Variants in IL1RL1 observed in about 807,000 individuals in gnomAD.
IL1RL1 encodes interleukin 1 receptor like 1, also known as interleukin-1 receptor-like 1.
Under a neutral mutation model 50.9 loss-of-function variants are expected in IL1RL1, and 32 were observed. That is an observed-to-expected ratio of 0.63 (90% CI 0.47 to 0.84). IL1RL1 has a LOEUF of 0.84. Ranked by LOEUF, IL1RL1 falls within the 40% of genes least tolerant of loss-of-function variation. The pLI is 0.00. For missense variants in IL1RL1, 773 were observed against 662.9 expected, an observed-to-expected ratio of 1.17 and a Z score of -1.82; for synonymous variants, 275 against 236.0, an observed-to-expected ratio of 1.17 and a Z score of -1.51.
At chr2:102,331,769 T>C (rs562385914) in intron 1 of IL1RL1, among the ~76,000 whole-genome samples, 1 of 152,208 alleles carries the variant, frequency 6.6e-6, no homozygotes, top group Non-Finnish European at 1.5e-5. Context: ...ACTGGTTCAT[T>C]CAATAAATAT....
intron 1 of IL1RL1, among the ~76,000 whole-genome samples, chr2:102,315,143 A>G (rs1417583277): frequency 1.3e-5 from 2 of 152,052 alleles, no homozygotes; most frequent in Non-Finnish European, 2.9e-5. Context: ...GGGCCGAGTC[A>G]TTGAGTAATG....
At chr2:102,342,490 T>A (rs552580432) in intron 6 of IL1RL1, among the ~76,000 whole-genome samples, 196 bp downstream of exon 6, 31 of 152,324 alleles carry the variant, frequency 2.0e-4, no homozygotes, top group African/African-American at 7.2e-4. Flanking sequence ...TTGCAGTGTT[T>A]ACATTTGTTT....
At chr2:102,343,575 A>C (rs776259013) in intron 8 of IL1RL1, 160 bp downstream of exon 8, 23 of 1,517,628 alleles carry the variant, frequency 1.5e-5, no homozygotes, top group Non-Finnish European at 1.9e-5. Flanking sequence ...TGATCTTTGT[A>C]GACTGTTCCT....
chr2:102,314,063 T>C (rs780065511), intron 1 of IL1RL1, among the ~76,000 whole-genome samples: 9 of 152,140 alleles, frequency 5.9e-5, no homozygotes, highest in African/African-American at 1.7e-4. Context: ...GACAGAGACA[T>C]CTTTAAAATA....
intron 3 of IL1RL1, among the ~76,000 whole-genome samples, chr2:102,339,820 TATTACACTGGG>T (rs1677471889): frequency 6.6e-6 from 1 of 152,244 alleles, no homozygotes; most frequent in Admixed American, 6.5e-5. Flanking sequence ...TAATTATCTT[TATTACACTGGG>T]ATTACAGCAT....
chr2:102,322,679 G>T (rs1676868815), intron 1 of IL1RL1, among the ~76,000 whole-genome samples: 1 of 152,090 alleles, frequency 6.6e-6, no homozygotes, highest in South Asian at 2.1e-4. Flanking sequence ...TCAATTAAAA[G>T]CATCAATCTT....
At position 102,343,077 on chromosome 2, in the gene IL1RL1, G is replaced by A. The variant is rs1031682271; in HGVS notation, c.724G>A (p.Gly242Ser). ...AACTTGCTCTGCTTGTTTTGGAAAA[G>A]GCACTCAGTTCTTGGCTGCCGTCCT... Reference protein sequence around the residue: ...NLTCSACFGKGTQFLAAVLWQ... With the variant: ...NLTCSACFGKSTQFLAAVLWQ... Residue 242 changes from glycine to serine, a missense_variant, in exon 7 of 11, where the codon GGC becomes AGC. By Grantham distance (56) the Gly-to-Ser change is moderately conservative. Coordinates refer to ENST00000233954, the MANE Select transcript of IL1RL1 (RefSeq NM_016232.5). 6.2e-7 allele frequency: 1 copy of A among 1,614,096 alleles called. No homozygotes were observed. The highest frequency in any genetic ancestry group is 8.5e-7 in the Non-Finnish European group (1 of 1,179,980).
At chr2:102,340,926 C>A in intron 5 of IL1RL1, 98 bp downstream of exon 5, 1 of 893,170 alleles carries the variant, frequency 1.1e-6, no homozygotes, top group Non-Finnish European at 1.7e-6. Context: ...CTTCTCCCTC[C>A]TCCCTTTACT....
intron 4 of IL1RL1, 57 bp downstream of exon 4, chr2:102,340,329 G>C (rs1320453883): frequency 7.0e-7 from 1 of 1,434,454 alleles, no homozygotes. Context: ...ATAGACACAA[G>C]TGGCCGGGCA....
rs778317107 is a variant in IL1RL1, at chr2:102,349,184, T to A, written c.1223T>A (p.Val408Asp). The A allele has an allele frequency of 3.1e-6, 5 of 1,613,926 alleles. No individual in the cohort carries two copies. Among genetic ancestry groups the A allele is most frequent in the Non-Finnish European group, 4.2e-6 (5 of 1,179,810 alleles). The change falls in exon 10 of 11, where the codon GTT becomes GAT. Residue 408 changes from valine (V) to aspartate (D), a missense_variant. Transcript: ENST00000233954. ...EHFVHQILPDVLENKCGYTLC... is the reference protein window; with the variant it reads ...EHFVHQILPDDLENKCGYTLC... ...TTTGTTCACCAGATTCTGCCTGATGTTCTTGAAAATAAATGTGGCTATACC... is the reference window on the plus strand; with the variant it reads ...TTTGTTCACCAGATTCTGCCTGATGATCTTGAAAATAAATGTGGCTATACC...
At chr2:102,328,272 A>T (rs917607417) in intron 1 of IL1RL1, among the ~76,000 whole-genome samples, 5 of 152,208 alleles carry the variant, frequency 3.3e-5, no homozygotes, top group Admixed American at 6.5e-5. Flanking sequence ...TTATCTCAAT[A>T]GATGCAGAAA....
chr2:102,345,708 A>G, intron 8 of IL1RL1: 2 of 985,424 alleles, frequency 2.0e-6, no homozygotes, highest in Non-Finnish European at 2.4e-6. Flanking sequence ...TAAAATAAAC[A>G]GAATCATAAC....
At chr2:102,331,112 C>T (rs1677167234) in intron 1 of IL1RL1, among the ~76,000 whole-genome samples, 1 of 152,106 alleles carries the variant, frequency 6.6e-6, no homozygotes, top group Non-Finnish European at 1.5e-5. Flanking sequence ...GTCTTTATGC[C>T]CATACCACAC....
intron 1 of IL1RL1, among the ~76,000 whole-genome samples, chr2:102,323,092 T>C (rs1676881428): frequency 6.6e-6 from 1 of 152,064 alleles, no homozygotes; most frequent in Non-Finnish European, 1.5e-5. Flanking sequence ...CTCCTGTTGA[T>C]AGACATTTGG....
chr2:102,326,771 T>C (rs1455792946), intron 1 of IL1RL1, among the ~76,000 whole-genome samples: 2 of 152,052 alleles, frequency 1.3e-5, no homozygotes, highest in African/African-American at 4.8e-5. Context: ...CATTAAATAA[T>C]GGTAAAGGGA....
chr2:102,314,797 G>A (rs943778815), intron 1 of IL1RL1, among the ~76,000 whole-genome samples: 25 of 152,216 alleles, frequency 1.6e-4, no homozygotes, highest in Non-Finnish European at 1.3e-4. Context: ...CACAGCCAGA[G>A]AGGAGCTGAC....
Position 102,311,963 on chromosome 2 carries a change from T to C in IL1RL1, c.-150+340T>C, listed in dbSNP as rs1313976751. Among the ~76,000 whole-genome samples, 3 of 31,982 alleles carry C rather than the reference T, an allele frequency of 9.4e-5. No individual in the cohort carries two copies. In the South Asian group the frequency reaches 1.8e-3, roughly 19 times the overall value. 21.0% of individuals were successfully genotyped at this position (31,982 alleles called of 152,430 possible). A position where few individuals can be genotyped will look rare whatever the true frequency, so the allele number is the denominator to read the frequency against. On this transcript the variant is annotated intron_variant, in intron 1 of 10. Coordinates refer to ENST00000233954, the MANE Select transcript of IL1RL1 (RefSeq NM_016232.5). ...ATAATATTATATATAATATATATTA[T>C]ATATAATATTATATATAATATATAT... is the stretch of plus-strand genomic sequence containing the variant.
At chr2:102,312,280 A>G (rs1676540801) in intron 1 of IL1RL1, among the ~76,000 whole-genome samples, 1 of 148,008 alleles carries the variant, frequency 6.8e-6, no homozygotes. Flanking sequence ...ATAATATATA[A>G]TGTAATATAT....
intron 6 of IL1RL1, 68 bp from the exon 7 acceptor site, chr2:102,342,968 C>T (rs1677627973): frequency 2.7e-6 from 4 of 1,482,650 alleles, no homozygotes; most frequent in Admixed American, 1.9e-5. Context: ...TTTTTTTTTA[C>T]ATTAAATGGG....
Sources: gnomAD v4.1 joint callset for allele counts (sites outside exome capture counted in the v4.1 genomes callset) on GRCh38, gnomAD v4.1.1 for gene constraint, MANE v1.5 for transcripts, NCBI Gene and HGNC (gene_info 2026-07-23, HGNC 2026-07-21) for gene names.